PARD3B: variants seen among roughly 807,000 people sequenced by gnomAD.
PARD3B encodes par-3 family cell polarity regulator beta.
A neutral mutation model predicts 130.2 loss-of-function variants in PARD3B; 103 were observed. That is an observed-to-expected ratio of 0.79 (90% CI 0.67 to 0.93). The LOEUF is 0.93. Among genes scored for constraint, PARD3B ranks in the 40% least tolerant of loss-of-function variants. PARD3B has a pLI of 0.00. For missense variants in PARD3B, 1,609 were observed against 1,499.2 expected, an observed-to-expected ratio of 1.07 and a Z score of -1.21; for synonymous variants, 583 against 553.2, an observed-to-expected ratio of 1.05 and a Z score of -0.76.
intron 19 of PARD3B, among the ~76,000 whole-genome samples, chr2:205,422,246 T>C (rs1215162772): frequency 6.6e-6 from 1 of 152,116 alleles, no homozygotes; most frequent in Non-Finnish European, 1.5e-5. Flanking sequence ...AGCTTTGTAA[T>C]TGGAGTTGAA....
intron 10 of PARD3B, among the ~76,000 whole-genome samples, chr2:205,129,162 T>C (rs1274672183): frequency 1.3e-5 from 2 of 152,248 alleles, no homozygotes; most frequent in East Asian, 1.9e-4. Flanking sequence ...CATCCAAATA[T>C]GTGGAATTTT....
At chr2:204,753,708 G>A (rs560454074) in intron 2 of PARD3B, among the ~76,000 whole-genome samples, 2 of 152,198 alleles carry the variant, frequency 1.3e-5, no homozygotes, top group South Asian at 4.1e-4. Context: ...AGCTGTGGAA[G>A]CCTTTGATTC....
intron 1 of PARD3B, among the ~76,000 whole-genome samples, chr2:204,604,869 C>A (rs2033652399): frequency 1.3e-5 from 2 of 152,028 alleles, no homozygotes; most frequent in Admixed American, 6.6e-5. Flanking sequence ...TTCTTCTGTT[C>A]CACACAGTGT....
intron 2 of PARD3B, among the ~76,000 whole-genome samples, chr2:204,956,399 C>G (rs959277588): frequency 6.6e-6 from 1 of 152,006 alleles, no homozygotes; most frequent in African/African-American, 2.4e-5. Flanking sequence ...GAAATATTTT[C>G]CATATACTAT....
At chr2:205,054,262 A>G (rs886100844) in intron 4 of PARD3B, among the ~76,000 whole-genome samples, 1 of 151,344 alleles carries the variant, frequency 6.6e-6, no homozygotes, top group African/African-American at 2.4e-5. Context: ...CTAATCAAGG[A>G]AACTAAGAAG....
chr2:205,123,223 G>T, intron 8 of PARD3B, among the ~76,000 whole-genome samples: 1 of 152,068 alleles, frequency 6.6e-6, no homozygotes, highest in East Asian at 1.9e-4. Context: ...GTTGTAGGAA[G>T]GAAAAAAGAG....
chr2:204,557,276 A>G (rs2030990354), intron 1 of PARD3B, among the ~76,000 whole-genome samples: 1 of 151,626 alleles, frequency 6.6e-6, no homozygotes, highest in Non-Finnish European at 1.5e-5. Context: ...ATTCAAGCCC[A>G]CTCTATTCTC....
intron 3 of PARD3B, among the ~76,000 whole-genome samples, chr2:205,017,765 C>G (rs1040559769): frequency 6.6e-6 from 1 of 152,058 alleles, no homozygotes; most frequent in Non-Finnish European, 1.5e-5. Flanking sequence ...CCTGAATCAT[C>G]CTATGTAGGT....
At chr2:205,526,435 T>C (rs1324665655) in intron 21 of PARD3B, among the ~76,000 whole-genome samples, 1 of 152,196 alleles carries the variant, frequency 6.6e-6, no homozygotes, top group African/African-American at 2.4e-5. Flanking sequence ...TTTTCTAAAA[T>C]TTTGGTAAGC....
intron 20 of PARD3B, among the ~76,000 whole-genome samples, chr2:205,441,750 A>C (rs1049851033): frequency 3.9e-5 from 6 of 152,204 alleles, no homozygotes; most frequent in African/African-American, 1.2e-4. Flanking sequence ...TGCAGACTGT[A>C]AAGTGTAGCT....
At chr2:205,506,819 A>G (rs1286824500) in intron 21 of PARD3B, among the ~76,000 whole-genome samples, 3 of 152,250 alleles carry the variant, frequency 2.0e-5, no homozygotes, top group African/African-American at 7.2e-5. Flanking sequence ...CTTATATTCC[A>G]AAGAACAGAG....
chr2:205,434,076 A>G (rs1384287776), intron 19 of PARD3B, among the ~76,000 whole-genome samples: 21 of 152,212 alleles, frequency 1.4e-4, no homozygotes, highest in Non-Finnish European at 1.5e-5. Flanking sequence ...AAGAACTCCT[A>G]GACCTTTTCC....
At chr2:205,014,431 C>A (rs368648226) in intron 3 of PARD3B, among the ~76,000 whole-genome samples, 3 of 152,172 alleles carry the variant, frequency 2.0e-5, no homozygotes, top group African/African-American at 7.2e-5. Flanking sequence ...AGGAGAACTG[C>A]AGCCAAGGGG....
intron 19 of PARD3B, among the ~76,000 whole-genome samples, chr2:205,437,929 T>C (rs574891065): frequency 2.0e-5 from 3 of 152,014 alleles, no homozygotes; most frequent in Non-Finnish European, 4.4e-5. Context: ...AGTAAAATTC[T>C]CAATGAATTG....
intron 2 of PARD3B, among the ~76,000 whole-genome samples, chr2:204,747,420 C>G (rs13394308): frequency 6.6e-6 from 1 of 151,820 alleles, no homozygotes; most frequent in Admixed American, 6.6e-5. Context: ...CACTGCTCAA[C>G]GAAATAAAAG....
In PARD3B at chr2:205,446,285, T is replaced by G. The variant is rs1231672612; in HGVS notation, c.3044+5613T>G. ...ATCCTGAGGGAGGTGGGGCAGGGTT[T>G]GGGTTGGAGAAGAGCTCGCTGAGGG... On this transcript the variant is annotated intron_variant, in intron 20 of 22. Coordinates refer to ENST00000406610, the MANE Select transcript of PARD3B (RefSeq NM_001302769.2). This position sits in a 1 kb window ranked among gnomAD's most constrained non-coding sequence, Gnocchi z 4.4. Among the ~76,000 whole-genome samples, 2 of 152,032 alleles carry G rather than the reference T, an allele frequency of 1.3e-5. No homozygotes were observed. The highest frequency in any genetic ancestry group is 2.9e-5 in the Non-Finnish European group (2 of 67,992).
rs764749990 is a variant in PARD3B at position 204,563,255 on chromosome 2, CTCTCTCTCTCTT to C, written c.120+17144_120+17155del. Among the ~76,000 whole-genome samples, 184 of 146,026 alleles carry C rather than the reference CTCTCTCTCTCTT, an allele frequency of 1.3e-3. 1 individual carries two copies. In the Middle Eastern group the frequency reaches 0.014, roughly 11 times the overall value. Reference sequence around the variant, plus strand: ...TCTCTCTCTCTCTCTCTCTCTCTCTCTCTCTCTCTCTTTCTCTCTTCTCCCTTTATAAGGACA... The same window carrying C: ...TCTCTCTCTCTCTCTCTCTCTCTCTCTCTCTCTTCTCCCTTTATAAGGACA... On this transcript the variant is annotated intron_variant, in intron 1 of 22. Transcript: ENST00000406610.
intron 10 of PARD3B, among the ~76,000 whole-genome samples, chr2:205,137,339 C>T (rs1356173777): frequency 6.6e-6 from 1 of 152,014 alleles, no homozygotes; most frequent in Non-Finnish European, 1.5e-5. Context: ...GAATAACGAA[C>T]ATCTTTCCGA....
chr2:205,619,882 A>G lies in PARD3B; in HGVS notation c.*4069A>G, dbSNP rs1446232571. On this transcript the variant is annotated 3_prime_UTR_variant, in exon 23 of 23. Coordinates refer to ENST00000406610, the MANE Select transcript of PARD3B (RefSeq NM_001302769.2). ...GAAAGTGTTCTCCTGTTCCATCTGT[A>G]GGGCTGCTTACTACTGGAACCTAAA... is the stretch of plus-strand genomic sequence containing the variant. 1.3e-5 allele frequency: 2 copies of G among 152,216 alleles called. No homozygotes were observed. The highest frequency in any genetic ancestry group is 4.8e-5 in the African/African-American group (2 of 41,454). 9.4% of individuals were successfully genotyped at this position (152,216 alleles called of 1,614,324 possible).
Sources: gnomAD v4.1 joint callset for allele counts (sites outside exome capture counted in the v4.1 genomes callset) on GRCh38, gnomAD v4.1.1 for gene constraint, Gnocchi (gnomAD v3.1) non-coding constraint, MANE v1.5 for transcripts, NCBI Gene and HGNC (gene_info 2026-07-23, HGNC 2026-07-21) for gene names.